The following ACOXL variants were observed in gnomAD, a reference collection of about 807,000 sequenced individuals.
The protein encoded by ACOXL is acyl-CoA oxidase like, also known as acyl-coenzyme A oxidase-like protein.
A neutral mutation model predicts 71.9 loss-of-function variants in ACOXL; 70 were observed. The observed-to-expected ratio is 0.97, with a 90% CI of 0.80 to 1.19. ACOXL has a LOEUF of 1.19. ACOXL is among the 50% of genes most tolerant of loss of function. ACOXL has a pLI of 0.00. For synonymous variants in ACOXL, 253 were observed against 281.6 expected (o/e 0.90, Z 1.02); for missense variants, 703 against 736.3 (o/e 0.95, Z 0.52).
At chr2:110,935,010 C>G (rs906431323) in intron 12 of ACOXL, among the ~76,000 whole-genome samples, 1 of 152,148 alleles carries the variant, frequency 6.6e-6, no homozygotes, top group African/African-American at 2.4e-5. Context: ...CTACCTGCAT[C>G]TCCAGGAGGT....
rs79672348 is a variant in ACOXL at position 111,024,014 on chromosome 2, T to C, written c.1282-7613T>C. ...CCTGTTGAACAGGTCAAGGAGGGAC[T>C]GTGATCACCTTTAACAATTAGGGGA... is the stretch of plus-strand genomic sequence containing the variant. On this transcript the variant is annotated intron_variant, in intron 14 of 17. Transcript: ENST00000439055. 9.2e-5 allele frequency among the ~76,000 whole-genome samples: 14 copies of C among 152,146 alleles called. No individual in the cohort carries two copies. In the East Asian group the frequency reaches 2.7e-3, roughly 29 times the overall value.
intron 2 of ACOXL, among the ~76,000 whole-genome samples, chr2:110,777,483 C>T (rs1682795702): frequency 6.6e-6 from 1 of 152,172 alleles, no homozygotes. Flanking sequence ...GTAAATGAAG[C>T]AGAGGCAGGA....
At chr2:110,750,659 G>C (rs952570966) in intron 1 of ACOXL, among the ~76,000 whole-genome samples, 3 of 149,178 alleles carry the variant, frequency 2.0e-5, no homozygotes, top group African/African-American at 7.3e-5. Context: ...ATATTTGTGT[G>C]TGTATGTGTA....
chr2:111,049,109 C>G lies in ACOXL; in HGVS notation c.1370-109C>G. ...GCTCTGCCATGTCACCAAGGAAGGACGGACAGCATGCTGTTTACGTCTGTT... is the reference window on the plus strand; with the variant it reads ...GCTCTGCCATGTCACCAAGGAAGGAGGGACAGCATGCTGTTTACGTCTGTT... On this transcript the variant is annotated intron_variant, in intron 15 of 17. Transcript: ENST00000439055. 4.5e-6 allele frequency: 4 copies of G among 879,400 alleles called. No homozygotes were observed. The South Asian group carries it at 6.3e-5, about 14-fold the overall frequency. 54.5% of individuals were successfully genotyped at this position (879,400 alleles called of 1,614,324 possible).
chr2:110,897,904 CA>C (rs1034835968), intron 10 of ACOXL, among the ~76,000 whole-genome samples: 3 of 152,028 alleles, frequency 2.0e-5, no homozygotes, highest in African/African-American at 4.8e-5. Context: ...AGGAATGATA[CA>C]GGGGATATTA....
At chr2:111,035,838 G>A (rs749250715) in intron 15 of ACOXL, among the ~76,000 whole-genome samples, 16 of 152,088 alleles carry the variant, frequency 1.1e-4, no homozygotes, top group Non-Finnish European at 1.8e-4. Flanking sequence ...TATTCTTCCC[G>A]GGATCAGCAT....
intron 7 of ACOXL, among the ~76,000 whole-genome samples, chr2:110,800,791 C>G (rs770902593): frequency 6.6e-6 from 1 of 152,072 alleles, no homozygotes; most frequent in Non-Finnish European, 1.5e-5. Flanking sequence ...ATGTATCTCC[C>G]GGGGGTGACC....
At chr2:111,082,955 G>C (rs529670883) in intron 16 of ACOXL, among the ~76,000 whole-genome samples, 1 of 151,926 alleles carries the variant, frequency 6.6e-6, no homozygotes, top group South Asian at 2.1e-4. Flanking sequence ...AACATCACAT[G>C]TTCTCACTCA....
intron 1 of ACOXL, among the ~76,000 whole-genome samples, chr2:110,752,622 G>A (rs1216380152): frequency 1.3e-5 from 2 of 151,470 alleles, no homozygotes; most frequent in Non-Finnish European, 2.9e-5. Flanking sequence ...GTTACTTTGC[G>A]ATAATTCACT....
chr2:110,920,969 A>G (rs1231327933), intron 11 of ACOXL, among the ~76,000 whole-genome samples: 1 of 152,124 alleles, frequency 6.6e-6, no homozygotes, highest in East Asian at 1.9e-4. Context: ...TAGGAATACT[A>G]TTGACTTTAG....
intron 1 of ACOXL, among the ~76,000 whole-genome samples, chr2:110,760,265 G>A (rs1439382897): frequency 1.3e-5 from 2 of 150,864 alleles, no homozygotes; most frequent in Non-Finnish European, 2.9e-5. Flanking sequence ...TCAGCCTCCC[G>A]AGTAGCTGGG....
intron 10 of ACOXL, among the ~76,000 whole-genome samples, chr2:110,841,954 C>T (rs1394781383): frequency 6.6e-6 from 1 of 152,168 alleles, no homozygotes; most frequent in Non-Finnish European, 1.5e-5. Flanking sequence ...TTGCATGTGT[C>T]AAAATGCGTT....
chr2:111,036,381 C>T (rs529301850), intron 15 of ACOXL, among the ~76,000 whole-genome samples: 1 of 152,158 alleles, frequency 6.6e-6, no homozygotes, highest in Non-Finnish European at 1.5e-5. Context: ...GCCACTGCCC[C>T]TGCTTCTGGC....
chr2:110,829,867 T>G (rs1219469784), intron 9 of ACOXL, among the ~76,000 whole-genome samples: 3 of 152,058 alleles, frequency 2.0e-5, no homozygotes, highest in Non-Finnish European at 4.4e-5. Flanking sequence ...GTGTTTGGAG[T>G]GGGAGTGAGA....
At chr2:111,056,052 A>T (rs1035237009) in intron 16 of ACOXL, among the ~76,000 whole-genome samples, 2 of 152,216 alleles carry the variant, frequency 1.3e-5, no homozygotes, top group Non-Finnish European at 2.9e-5. Flanking sequence ...TCACTTGAAG[A>T]GTATATTCTA....
At chr2:110,984,257 T>TTA (rs1267467040) in intron 12 of ACOXL, among the ~76,000 whole-genome samples, 2 of 152,124 alleles carry the variant, frequency 1.3e-5, no homozygotes, top group African/African-American at 2.4e-5. Context: ...GAGTTAAAAA[T>TTA]TATATATATA....
intron 11 of ACOXL, among the ~76,000 whole-genome samples, chr2:110,930,967 G>A (rs563263463): frequency 3.9e-5 from 6 of 152,138 alleles, no homozygotes; most frequent in Non-Finnish European, 7.4e-5. Context: ...CTAACAGTTT[G>A]TTTAATCTAT....
chr2:110,948,703 T>TAAAAAA (rs5833377), intron 12 of ACOXL, among the ~76,000 whole-genome samples: 1 of 70,808 alleles, frequency 1.4e-5, no homozygotes, highest in Non-Finnish European at 2.5e-5. Context: ...CCAGAAGAAC[T>TAAAAAA]AAAAAAAAAA....
chr2:110,901,666 A>G (rs2059238376), intron 10 of ACOXL, among the ~76,000 whole-genome samples: 1 of 151,918 alleles, frequency 6.6e-6, no homozygotes, highest in Non-Finnish European at 1.5e-5. Flanking sequence ...ACACACACAC[A>G]CACACACATA....
Sources: allele counts gnomAD v4.1 joint callset (sites outside exome capture counted in the v4.1 genomes callset), GRCh38; gene constraint gnomAD v4.1.1; transcripts MANE v1.5; gene names NCBI Gene and HGNC (gene_info 2026-07-23, HGNC 2026-07-21).